Variants in SUPT20HL2 observed in about 807,000 individuals in gnomAD.
SUPT20HL2 encodes the protein SUPT20H like 2.
For missense variants in SUPT20HL2, 288 were observed against 127.4 expected, an observed-to-expected ratio of 2.26 and a Z score of -6.07; for synonymous variants, 125 against 51.6, an observed-to-expected ratio of 2.42 and a Z score of -6.10.
At position 24,310,052 on chromosome X, in the gene SUPT20HL2, G is replaced by C. The variant is rs1939108900; in HGVS notation, c.*810C>G. Among the ~76,000 whole-genome samples, 1 of 111,466 alleles carries C rather than the reference G, an allele frequency of 9.0e-6. No individual in the cohort carries two copies. Among genetic ancestry groups the C allele is most frequent in the African/African-American group, 3.3e-5 (1 of 30,604 alleles). On this transcript the variant is annotated 3_prime_UTR_variant, in exon 1 of 1. Coordinates refer to ENST00000486479, the MANE Select transcript of SUPT20HL2 (RefSeq NM_001136233.3). ...TACGATTACACTCTTTCTTCTGAAA[G>C]AGGTTTCTCAGAGTTTATAGGTCAC...
rs1939105642 is a variant in SUPT20HL2, at chrX:24,309,769, A to C, written c.*1093T>G. 4.8e-5 allele frequency among the ~76,000 whole-genome samples: 3 copies of C among 61,868 alleles called. No homozygotes were observed. The highest frequency in any genetic ancestry group is 1.0e-4 in the Non-Finnish European group (3 of 29,742). 53.7% of individuals were successfully genotyped at this position (61,868 alleles called of 115,157 possible). A position where few individuals can be genotyped will look rare whatever the true frequency, so the allele number is the denominator to read the frequency against. On this transcript the variant is annotated 3_prime_UTR_variant, in exon 1 of 1. Coordinates refer to ENST00000486479, the MANE Select transcript of SUPT20HL2 (RefSeq NM_001136233.3). ...AAGAAAAAAAAAAAAAAAAAAAAAA[A>C]CATCCAAAAAGAGCCTTTTCAAAGC...
chrX:24,310,941 T>G lies in SUPT20HL2; in HGVS notation c.2375A>C (p.Gln792Pro), dbSNP rs749524991. 1 of 385,588 alleles carries G rather than the reference T, an allele frequency of 2.6e-6. No homozygotes were observed. The highest frequency in any genetic ancestry group is 5.2e-6 in the Non-Finnish European group (1 of 192,349). 31.8% of individuals were successfully genotyped at this position (385,588 alleles called of 1,213,427 possible). A position where few individuals can be genotyped will look rare whatever the true frequency, so the allele number is the denominator to read the frequency against. The change falls in exon 1 of 1, where the codon CAG becomes CCG. Residue 792 changes from glutamine to proline, a missense_variant. By Grantham distance (76) the Gln-to-Pro change is moderately conservative. Transcript: ENST00000486479. Reference sequence around the variant, plus strand: ...CCCTGCTTGCACACCTGGATGTGGCTGCACTATCTGAACAGCGCCTGTTGC... The same window carrying G: ...CCCTGCTTGCACACCTGGATGTGGCGGCACTATCTGAACAGCGCCTGTTGC... The part of the protein sequence containing the change: ...FLATGAVQIV[Q>P]PHPGVQAGSQ...
chrX:24,313,498 G>T lies in SUPT20HL2; in HGVS notation c.-183C>A, dbSNP rs1365359472. On this transcript the variant is annotated 5_prime_UTR_variant, in exon 1 of 1. Transcript: ENST00000486479. ...GAAGCGCTACCCAATCTGTTTGAGG[G>T]TTTCTGAAAACATGGGTACCTGAGG... 2.7e-5 allele frequency among the ~76,000 whole-genome samples: 3 copies of T among 111,715 alleles called. No homozygotes were observed. The highest frequency in any genetic ancestry group is 5.7e-5 in the Non-Finnish European group (3 of 53,058).
At position 24,309,746 on chromosome X, in the gene SUPT20HL2, G is replaced by GAAAAAAAAAAAAAAAA; in HGVS notation, c.*1100_*1115dup. Among the ~76,000 whole-genome samples the GAAAAAAAAAAAAAAAA allele has an allele frequency of 1.3e-3, 29 of 21,791 alleles. 1 individual carries two copies. The highest frequency in any genetic ancestry group is 2.1e-3 in the East Asian group (1 of 486). 18.9% of individuals were successfully genotyped at this position (21,791 alleles called of 115,157 possible). ...AAAATAATAAAAATAAAAAAAAAAA[G>GAAAAAAAAAAAAAAAA]AAAAAAAAAAAAAAAAAAAAAAACA... On this transcript the variant is annotated 3_prime_UTR_variant, in exon 1 of 1. Transcript: ENST00000486479.
chrX:24,311,845 G>C lies in SUPT20HL2; in HGVS notation c.1471C>G (p.Arg491Gly). 2.9e-6 allele frequency: 1 copy of C among 349,945 alleles called. No individual in the cohort carries two copies. Among genetic ancestry groups the C allele is most frequent in the Non-Finnish European group, 5.8e-6 (1 of 173,593 alleles). The allele number at this position is 349,945 out of a possible 1,213,427, so 28.8% of individuals were successfully genotyped here. A position where few individuals can be genotyped will look rare whatever the true frequency, so the allele number is the denominator to read the frequency against. ...PPQQAGSPLK[R>G]PFPAAAPAVA... ...GCAGGAGCAGCAGCAGGAAATGGAC[G>C]CTTAAGAGGGCTGCCTGCCTGTTGT... The change falls in exon 1 of 1, where the codon CGT becomes GGT. Residue 491 changes from arginine (R) to glycine (G), a missense_variant. By Grantham distance (125) the Arg-to-Gly change is moderately radical. Transcript: ENST00000486479.
Position 24,308,798 on chromosome X carries a change from A to C in SUPT20HL2, c.*2064T>G, listed in dbSNP as rs1428001370. The stretch of plus-strand genomic sequence containing the variant: ...AGCAGCTCTATGCACAGCGCCCAAA[A>C]GGTAGAAACAACCCAAGTGTCCATC... On this transcript the variant is annotated 3_prime_UTR_variant, in exon 1 of 1. Transcript: ENST00000486479. 9.0e-6 allele frequency among the ~76,000 whole-genome samples: 1 copy of C among 110,719 alleles called. No homozygotes were observed. Among genetic ancestry groups the C allele is most frequent in the Admixed American group, 9.6e-5 (1 of 10,431 alleles).
rs868543657 is a variant in SUPT20HL2 at position 24,309,714 on chromosome X, A to G, written c.*1148T>C. Among the ~76,000 whole-genome samples, 4 of 78,530 alleles carry G rather than the reference A, an allele frequency of 5.1e-5. No homozygotes were observed. Among genetic ancestry groups the G allele is most frequent in the Non-Finnish European group, 9.0e-5 (4 of 44,206 alleles). 68.2% of individuals were successfully genotyped at this position (78,530 alleles called of 115,157 possible). ...AATTAAAAAAAAAAATTAAAAAAAAAAAGAAAAAAATAATAAAAATAAAAA... is the reference window on the plus strand; with the variant it reads ...AATTAAAAAAAAAAATTAAAAAAAAGAAGAAAAAAATAATAAAAATAAAAA... On this transcript the variant is annotated 3_prime_UTR_variant, in exon 1 of 1. Coordinates refer to ENST00000486479, the MANE Select transcript of SUPT20HL2 (RefSeq NM_001136233.3).
chrX:24,309,705 T>TAAAAAAAAAAAA lies in SUPT20HL2; in HGVS notation c.*1156_*1157insTTTTTTTTTTTT, dbSNP rs1157065397. On this transcript the variant is annotated 3_prime_UTR_variant, in exon 1 of 1. Coordinates refer to ENST00000486479, the MANE Select transcript of SUPT20HL2 (RefSeq NM_001136233.3). ...AAAAAAAAAAATTAAAAAAAAAAAT[T>TAAAAAAAAAAAA]AAAAAAAAAAAGAAAAAAATAATAA... Among the ~76,000 whole-genome samples the TAAAAAAAAAAAA allele has an allele frequency of 5.5e-5, 1 of 18,041 alleles. No individual in the cohort carries two copies. Among genetic ancestry groups the TAAAAAAAAAAAA allele is most frequent in the Non-Finnish European group, 9.0e-5 (1 of 11,156 alleles). 15.7% of individuals were successfully genotyped at this position (18,041 alleles called of 115,157 possible). A position where few individuals can be genotyped will look rare whatever the true frequency, so the allele number is the denominator to read the frequency against.
At position 24,311,747 on chromosome X, in the gene SUPT20HL2, C is replaced by T. The variant is rs1469796371; in HGVS notation, c.1569G>A (p.Ala523=). ...AAPALAAAAV[A]AAAGGAAPSH... ...TTGGTGCCGCCCCACCGGCCGCCGC[C>T]GCCACAGCAGCAGCAGCTAAAGCAG... Residue 523 remains alanine, a synonymous_variant, in exon 1 of 1, where the codon GCG becomes GCA. Coordinates refer to ENST00000486479, the MANE Select transcript of SUPT20HL2 (RefSeq NM_001136233.3). 2.0e-5 allele frequency: 7 copies of T among 354,413 alleles called. No homozygotes were observed. Among genetic ancestry groups the T allele is most frequent in the South Asian group, 5.0e-5 (2 of 39,973 alleles). 29.2% of individuals were successfully genotyped at this position (354,413 alleles called of 1,213,427 possible).
Position 24,312,652 on chromosome X carries a change from T to C in SUPT20HL2, c.664A>G (p.Arg222Gly), listed in dbSNP as rs1180110614. ...ATCTTTTGCTTGTTGTACAGCAGCCTGTTTGCAGTGCAGGCAACTGCTACA... is the reference window on the plus strand; with the variant it reads ...ATCTTTTGCTTGTTGTACAGCAGCCCGTTTGCAGTGCAGGCAACTGCTACA... ...PSVAVACTAN[R>G]LLYNKQKMNT... is the part of the protein sequence containing the mutation. Residue 222 changes from arginine (R) to glycine (G), a missense_variant, in exon 1 of 1, where the codon AGG (arginine) becomes GGG (glycine). Physicochemically the swap from Arg to Gly is moderately radical, Grantham distance 125. Transcript: ENST00000486479. The C allele has an allele frequency of 2.6e-6, 1 of 385,026 alleles. No individual in the cohort carries two copies. The highest frequency in any genetic ancestry group is 5.2e-6 in the Non-Finnish European group (1 of 192,345). 31.7% of individuals were successfully genotyped at this position (385,026 alleles called of 1,213,427 possible). A position where few individuals can be genotyped will look rare whatever the true frequency, so the allele number is the denominator to read the frequency against.
rs1485193520 is a variant in SUPT20HL2, at chrX:24,308,775, C to A, written c.*2087G>T. Among the ~76,000 whole-genome samples the A allele has an allele frequency of 8.9e-6, 1 of 111,864 alleles. No individual in the cohort carries two copies. The highest frequency in any genetic ancestry group is 2.8e-4 in the East Asian group (1 of 3,598). Reference sequence around the variant, plus strand: ...GATGCTTGTACATGAAAGTTGACAGCAGCTCTATGCACAGCGCCCAAAAGG... The same window carrying A: ...GATGCTTGTACATGAAAGTTGACAGAAGCTCTATGCACAGCGCCCAAAAGG... On this transcript the variant is annotated 3_prime_UTR_variant, in exon 1 of 1. Coordinates refer to ENST00000486479, the MANE Select transcript of SUPT20HL2 (RefSeq NM_001136233.3).
rs1265512860 is a variant in SUPT20HL2, at chrX:24,310,808, T to A, written c.*54A>T. The A allele has an allele frequency of 3.4e-6, 1 of 298,467 alleles. No individual in the cohort carries two copies. The highest frequency in any genetic ancestry group is 2.8e-5 in the African/African-American group (1 of 36,051). 24.6% of individuals were successfully genotyped at this position (298,467 alleles called of 1,213,427 possible). ...ACAAAACTCAAGTAAAAACTGGGAA[T>A]TCATGTGGGTCAGTGCTCCCATGCT... On this transcript the variant is annotated 3_prime_UTR_variant, in exon 1 of 1. Transcript: ENST00000486479.
At position 24,309,723 on chromosome X, in the gene SUPT20HL2, AAT is replaced by A. The variant is rs1939097858; in HGVS notation, c.*1137_*1138del. Among the ~76,000 whole-genome samples, 1 of 66,819 alleles carries A rather than the reference AAT, an allele frequency of 1.5e-5. No individual in the cohort carries two copies. The allele number at this position is 66,819 out of a possible 115,157, so 58.0% of individuals were successfully genotyped here. A position where few individuals can be genotyped will look rare whatever the true frequency, so the allele number is the denominator to read the frequency against. On this transcript the variant is annotated 3_prime_UTR_variant, in exon 1 of 1. Coordinates refer to ENST00000486479, the MANE Select transcript of SUPT20HL2 (RefSeq NM_001136233.3). ...AAAAAATTAAAAAAAAAAAGAAAAA[AAT>A]AATAAAAATAAAAAAAAAAAGAAAA...
Position 24,313,066 on chromosome X carries a change from C to T in SUPT20HL2, c.250G>A (p.Gly84Ser), listed in dbSNP as rs1939149995. 2 of 362,738 alleles carry T rather than the reference C, an allele frequency of 5.5e-6. No individual in the cohort carries two copies. Among genetic ancestry groups the T allele is most frequent in the Non-Finnish European group, 1.1e-5 (2 of 181,852 alleles). 29.9% of individuals were successfully genotyped at this position (362,738 alleles called of 1,213,427 possible). A position where few individuals can be genotyped will look rare whatever the true frequency, so the allele number is the denominator to read the frequency against. The part of the protein sequence containing the change: ...LPCLLVNLYP[G>S]NQGYSVMLQR... Reference sequence around the variant, plus strand: ...AGCATCACAGAATACCCCTGATTGCCTGGGTATAGATTGACCAGTAAACAT... The same window carrying T: ...AGCATCACAGAATACCCCTGATTGCTTGGGTATAGATTGACCAGTAAACAT... Residue 84 changes from glycine to serine, a missense_variant, in exon 1 of 1, where the codon GGC (glycine) becomes AGC (serine). Coordinates refer to ENST00000486479, the MANE Select transcript of SUPT20HL2 (RefSeq NM_001136233.3).
chrX:24,311,053 G>A lies in SUPT20HL2; in HGVS notation c.2263C>T (p.Leu755=). ...PFVLGQQPQP[L]LLLQPQPQPQ... is the part of the protein sequence containing the mutation. ...TGTGGTTGTGGCTGCAGCAGCAGCAGCGGCTGTGGCTGCTGCCCCAAGACA... is the reference window on the plus strand; with the variant it reads ...TGTGGTTGTGGCTGCAGCAGCAGCAACGGCTGTGGCTGCTGCCCCAAGACA... Residue 755 remains leucine, a synonymous_variant, in exon 1 of 1, where the codon CTG becomes TTG. Coordinates refer to ENST00000486479, the MANE Select transcript of SUPT20HL2 (RefSeq NM_001136233.3). The A allele has an allele frequency of 5.3e-6, 2 of 376,162 alleles. No homozygotes were observed. Among genetic ancestry groups the A allele is most frequent in the Non-Finnish European group, 1.1e-5 (2 of 186,935 alleles). 31.0% of individuals were successfully genotyped at this position (376,162 alleles called of 1,213,427 possible).
In SUPT20HL2 at chrX:24,312,610, C is replaced by T. The variant is rs2695485; in HGVS notation, c.706G>A (p.Glu236Lys). The T allele has an allele frequency of 2.4e-4, 94 of 385,353 alleles. 1 individual carries two copies. The highest frequency in any genetic ancestry group is 9.2e-4 in the African/African-American group (36 of 39,163). 31.8% of individuals were successfully genotyped at this position (385,353 alleles called of 1,213,427 possible). The change falls in exon 1 of 1, where the codon GAA becomes AAA. Residue 236 changes from glutamate to lysine, a missense_variant. Physicochemically the swap from Glu to Lys is moderately conservative, Grantham distance 56. Coordinates refer to ENST00000486479, the MANE Select transcript of SUPT20HL2 (RefSeq NM_001136233.3). ...CACGAATACCTCTGGAGGCACTGTT[C>T]CATCGGGTCGGTATTCATCTTTTGC... Reference protein sequence around the residue: ...NKQKMNTDPMEQCLQRYSWPS... With the variant: ...NKQKMNTDPMKQCLQRYSWPS...
Position 24,314,029 on chromosome X carries a change from C to T in SUPT20HL2, c.-714G>A, listed in dbSNP as rs766732760. ...ACATCGGTACCTGAGGGGTGATTGT[C>T]GTGGCCTGGGCTTCGCGTCTCTGAG... On this transcript the variant is annotated 5_prime_UTR_variant, in exon 1 of 1. Coordinates refer to ENST00000486479, the MANE Select transcript of SUPT20HL2 (RefSeq NM_001136233.3). 5.2e-5 allele frequency: 19 copies of T among 366,172 alleles called. No homozygotes were observed. The highest frequency in any genetic ancestry group is 3.4e-4 in the Admixed American group (13 of 38,735). 30.2% of individuals were successfully genotyped at this position (366,172 alleles called of 1,213,427 possible).
At position 24,311,053 on chromosome X, in the gene SUPT20HL2, G is replaced by C. The variant is rs912432864; in HGVS notation, c.2263C>G (p.Leu755Val). The C allele has an allele frequency of 2.7e-6, 1 of 376,162 alleles. No homozygotes were observed. Among genetic ancestry groups the C allele is most frequent in the Non-Finnish European group, 5.3e-6 (1 of 186,935 alleles). 31.0% of individuals were successfully genotyped at this position (376,162 alleles called of 1,213,427 possible). A position where few individuals can be genotyped will look rare whatever the true frequency, so the allele number is the denominator to read the frequency against. ...TGTGGTTGTGGCTGCAGCAGCAGCA[G>C]CGGCTGTGGCTGCTGCCCCAAGACA... ...PFVLGQQPQP[L>V]LLLQPQPQPQ... The change falls in exon 1 of 1, where the codon CTG becomes GTG. Residue 755 changes from leucine to valine, a missense_variant. By Grantham distance (32) the Leu-to-Val change is conservative. Coordinates refer to ENST00000486479, the MANE Select transcript of SUPT20HL2 (RefSeq NM_001136233.3).
Position 24,310,960 on chromosome X carries a change from C to T in SUPT20HL2, c.2356G>A (p.Gly786Ser), listed in dbSNP as rs1401385745. The T allele has an allele frequency of 2.6e-6, 1 of 386,869 alleles. No homozygotes were observed. Among genetic ancestry groups the T allele is most frequent in the South Asian group, 2.3e-5 (1 of 42,662 alleles). 31.9% of individuals were successfully genotyped at this position (386,869 alleles called of 1,213,427 possible). ...VLQQPVFLAT[G>S]AVQIVQPHPG... ...TGTGGCTGCACTATCTGAACAGCGC[C>T]TGTTGCCAAAAACACTGGCTGCTGC... The change falls in exon 1 of 1, where the codon GGC (glycine) becomes AGC (serine). Residue 786 changes from glycine to serine, a missense_variant. By Grantham distance (56) the Gly-to-Ser change is moderately conservative (BLOSUM62 0). Coordinates refer to ENST00000486479, the MANE Select transcript of SUPT20HL2 (RefSeq NM_001136233.3).
Sources: gnomAD v4.1 joint callset for allele counts (sites outside exome capture counted in the v4.1 genomes callset) on GRCh38, gnomAD v4.1.1 for gene constraint, MANE v1.5 for transcripts, NCBI Gene and HGNC (gene_info 2026-07-23, HGNC 2026-07-21) for gene names.